CLDN14: variants seen among roughly 807,000 people sequenced by gnomAD.
The protein encoded by CLDN14 is claudin 14.
CLDN14 carries 2 observed loss-of-function variants against 2.1 expected under a neutral mutation model. The ratio of observed to expected loss-of-function variants is 0.96; its 90% CI spans 0.39 to 3.01. CLDN14 has a LOEUF of 3.01. Ranked by LOEUF, CLDN14 falls within the 30% of genes most tolerant of loss-of-function variation. The pLI, the probability that CLDN14 is intolerant of heterozygous loss-of-function variation, is 0.09. For missense variants in CLDN14, 298 were observed against 328.0 expected (o/e 0.91, Z 0.71); for synonymous variants, 136 against 154.4 (o/e 0.88, Z 0.88).
intron 1 of CLDN14, among the ~76,000 whole-genome samples, chr21:36,569,600 C>T (rs576206521): frequency 8.5e-5 from 13 of 152,282 alleles, no homozygotes; most frequent in African/African-American, 2.9e-4. Context: ...TTAACTGATT[C>T]GGTCCAGGAT....
rs145085269 is a variant in CLDN14, at chr21:36,545,700, G to T, written c.-220+30711C>A. Among the ~76,000 whole-genome samples, 202 of 152,256 alleles carry T rather than the reference G, an allele frequency of 1.3e-3. 1 individual carries two copies. Among genetic ancestry groups the T allele is most frequent in the Non-Finnish European group, 1.9e-3 (129 of 68,024 alleles). Reference sequence around the variant, plus strand: ...TATTTGACCATTTATATCTCAATGAGAAATTGCATTTATTAAAGCTGGCAG... The same window carrying T: ...TATTTGACCATTTATATCTCAATGATAAATTGCATTTATTAAAGCTGGCAG... On this transcript the variant is annotated intron_variant, in intron 1 of 2. Transcript: ENST00000342108.
intron 1 of CLDN14, among the ~76,000 whole-genome samples, chr21:36,525,493 G>A (rs2087318291): frequency 6.6e-6 from 1 of 152,156 alleles, no homozygotes; most frequent in Non-Finnish European, 1.5e-5. Context: ...GATGATGGGG[G>A]TTGGAGGATG....
intron 1 of CLDN14, among the ~76,000 whole-genome samples, chr21:36,523,769 A>AAGAGAGAGAGAGAG (rs774353567): frequency 2.0e-5 from 1 of 50,172 alleles, no homozygotes; most frequent in African/African-American, 8.9e-5. Flanking sequence ...AAAAGAAAGA[A>AAGAGAGAGAGAGAG]AGAGAGAAAG....
chr21:36,476,143 T>C (rs957779420), intron 1 of CLDN14, among the ~76,000 whole-genome samples: 5 of 152,138 alleles, frequency 3.3e-5, no homozygotes, highest in African/African-American at 1.2e-4. Context: ...TGGAATATTG[T>C]CTCACCTACC....
chr21:36,557,256 A>G (rs447296), intron 1 of CLDN14, among the ~76,000 whole-genome samples: 113,623 of 152,132 alleles, frequency 0.75, 43,986 homozygotes, highest in Non-Finnish European at 0.87. Flanking sequence ...GAACATGAGA[A>G]TGATAATATC....
chr21:36,479,332 C>A (rs1214167261), intron 1 of CLDN14, among the ~76,000 whole-genome samples, 163 bp downstream of exon 1: 1 of 152,144 alleles, frequency 6.6e-6, no homozygotes, highest in Admixed American at 6.5e-5. Flanking sequence ...GACCAGCCTG[C>A]AGCTTCCTTT....
chr21:36,521,702 G>A (rs942410899), intron 1 of CLDN14, among the ~76,000 whole-genome samples: 2 of 152,174 alleles, frequency 1.3e-5, no homozygotes, highest in Admixed American at 6.5e-5. Flanking sequence ...TGGGAGTAGG[G>A]GCCGGGACAT....
chr21:36,550,065 T>C (rs447759), intron 1 of CLDN14, among the ~76,000 whole-genome samples: 112,311 of 152,108 alleles, frequency 0.74, 42,877 homozygotes, highest in Non-Finnish European at 0.85. Context: ...ATTGCATGGT[T>C]GAAAGAATGA....
chr21:36,567,508 C>T (rs1023235959), intron 1 of CLDN14, among the ~76,000 whole-genome samples: 1 of 152,184 alleles, frequency 6.6e-6, no homozygotes, highest in Non-Finnish European at 1.5e-5. Context: ...TTAATTACAG[C>T]ACGATTACAT....
chr21:36,468,165 A>G (rs984049738), intron 1 of CLDN14, among the ~76,000 whole-genome samples: 1 of 152,244 alleles, frequency 6.6e-6, no homozygotes, highest in African/African-American at 2.4e-5. Flanking sequence ...AAATGAACAT[A>G]GTCATTGGCC....
At chr21:36,488,656 G>T (rs977344691) in intron 2 of CLDN14, among the ~76,000 whole-genome samples, 2 of 151,912 alleles carry the variant, frequency 1.3e-5, no homozygotes, top group African/African-American at 2.4e-5. Flanking sequence ...CTGAGGGCGG[G>T]GGGGTGGGGA....
chr21:36,505,637 G>A (rs2087126037), intron 2 of CLDN14, among the ~76,000 whole-genome samples: 2 of 152,190 alleles, frequency 1.3e-5, no homozygotes, highest in South Asian at 4.1e-4. Flanking sequence ...ACTCCCAGCA[G>A]TTCGCCTGCC....
rs145035989 is a variant in CLDN14, at chr21:36,544,107, G to C, written c.-220+32304C>G. Among the ~76,000 whole-genome samples the C allele has an allele frequency of 6.7e-3, 1,022 of 152,350 alleles. 5 individuals carry two copies. Among genetic ancestry groups the C allele is most frequent in the Non-Finnish European group, 0.01 (706 of 68,024 alleles). On this transcript the variant is annotated intron_variant, in intron 1 of 2. Coordinates refer to the CLDN14 transcript ENST00000342108. This position sits in a 1 kb window ranked among gnomAD's most constrained non-coding sequence, Gnocchi z 4.1. The stretch of plus-strand genomic sequence containing the variant: ...TTGGGGACCCAATGGGTGACACCCA[G>C]GAACCCAGAAGCCACACCAGCCCTT...
chr21:36,509,024 T>G (rs1376656376), intron 2 of CLDN14, among the ~76,000 whole-genome samples: 1 of 152,198 alleles, frequency 6.6e-6, no homozygotes, highest in East Asian at 1.9e-4. Flanking sequence ...GGCCTTTCCT[T>G]TATTTATTTA....
Position 36,460,781 on chromosome 21 carries a change from G to A in CLDN14, c.*195C>T. ...ACAGGATTTTTTTTTTCAGTCTTTG[G>A]TATAGAGAGCTTTCTCCTCCTCTTA... On this transcript the variant is annotated 3_prime_UTR_variant, in exon 2 of 2. Coordinates refer to ENST00000399135, the MANE Select transcript of CLDN14 (RefSeq NM_001146079.2). The surrounding 1 kb of genome is among the most constrained non-coding windows in gnomAD (Gnocchi z 4.0). 1 of 621,128 alleles carries A rather than the reference G, an allele frequency of 1.6e-6. No individual in the cohort carries two copies. Among genetic ancestry groups the A allele is most frequent in the South Asian group, 2.1e-5 (1 of 48,554 alleles). 38.5% of individuals were successfully genotyped at this position (621,128 alleles called of 1,614,324 possible). A position where few individuals can be genotyped will look rare whatever the true frequency, so the allele number is the denominator to read the frequency against.
intron 1 of CLDN14, among the ~76,000 whole-genome samples, chr21:36,574,259 T>G (rs943462041): frequency 2.0e-5 from 3 of 152,128 alleles, no homozygotes; most frequent in African/African-American, 7.2e-5. Context: ...ACAAACACAG[T>G]CAACTGATAT....
intron 2 of CLDN14, among the ~76,000 whole-genome samples, chr21:36,485,254 C>T (rs978364284): frequency 5.3e-5 from 8 of 149,912 alleles, no homozygotes; most frequent in African/African-American, 1.9e-4. Context: ...GTCACCTAGT[C>T]TGGAGTGCAG....
At chr21:36,529,535 CA>C (rs1291402031) in intron 1 of CLDN14, among the ~76,000 whole-genome samples, 1 of 152,122 alleles carries the variant, frequency 6.6e-6, no homozygotes, top group Non-Finnish European at 1.5e-5. Flanking sequence ...AGAGGCCTCC[CA>C]AAGTGCTGGG....
intron 1 of CLDN14, among the ~76,000 whole-genome samples, chr21:36,517,303 A>G (rs1005092345): frequency 1.1e-4 from 17 of 152,250 alleles, no homozygotes; most frequent in Admixed American, 1.1e-3. Flanking sequence ...CTACCACTAT[A>G]GTGCTGAGTA....
Sources: gnomAD v4.1 joint callset for allele counts (sites outside exome capture counted in the v4.1 genomes callset) on GRCh38, gnomAD v4.1.1 for gene constraint, Gnocchi (gnomAD v3.1) non-coding constraint, MANE v1.5 for transcripts, NCBI Gene and HGNC (gene_info 2026-07-23, HGNC 2026-07-21) for gene names.